The following SHC2 variants were observed in gnomAD, a reference collection of about 807,000 sequenced individuals.
SHC2 encodes SHC-transforming protein 2.
A neutral mutation model predicts 60.6 loss-of-function variants in SHC2; 62 were observed. The observed-to-expected ratio is 1.02, with a 90% confidence interval of 0.83 to 1.26. The LOEUF is 1.26. SHC2 is among the 50% of genes most tolerant of loss of function. The pLI is 0.00. For synonymous variants in SHC2, 375 were observed against 372.4 expected (o/e 1.01, Z -0.08); for missense variants, 873 against 822.2 (o/e 1.06, Z -0.76).
At chr19:458,476 T>TGG (rs1975435276) in intron 1 of SHC2, among the ~76,000 whole-genome samples, 1 of 35,478 alleles carries the variant, frequency 2.8e-5, no homozygotes, top group Non-Finnish European at 5.6e-5. Context: ...GGCAGACGCA[T>TGG]GTTCCGGGGG....
rs375375680 is a variant in SHC2, at chr19:455,236, C to T, written c.468+5293G>A. Among the ~76,000 whole-genome samples the T allele has an allele frequency of 4.1e-4, 62 of 152,336 alleles. No individual in the cohort carries two copies. The South Asian group carries it at 7.3e-3, about 18-fold the overall frequency. ...CTTCTCGCAGGAGACAATCAAGGTCCCTTTGGCGCCCAGCAGCTCCGAGTC... is the reference window on the plus strand; with the variant it reads ...CTTCTCGCAGGAGACAATCAAGGTCTCTTTGGCGCCCAGCAGCTCCGAGTC... On this transcript the variant is annotated intron_variant, in intron 1 of 12. Transcript: ENST00000264554.
In SHC2 at chr19:438,274, C is replaced by T. The variant is rs916331911; in HGVS notation, c.720+444G>A. ...GGTTACAGGCGTGAGCCACTGAGCC[C>T]GGCCTCACAGTGCTGGGGTTACAGG... On this transcript the variant is annotated intron_variant, in intron 4 of 12. Transcript: ENST00000264554. The surrounding 1 kb of genome is among the most constrained non-coding windows in gnomAD (Gnocchi z 5.0). Among the ~76,000 whole-genome samples the T allele has an allele frequency of 5.9e-5, 9 of 152,170 alleles. No individual in the cohort carries two copies. Among genetic ancestry groups the T allele is most frequent in the African/African-American group, 7.2e-5 (3 of 41,430 alleles).
In SHC2 at chr19:425,127, C is replaced by T; in HGVS notation, c.1279G>A (p.Asp427Asn). 2.1e-6 allele frequency: 3 copies of T among 1,404,642 alleles called. No individual in the cohort carries two copies. Among genetic ancestry groups the T allele is most frequent in the African/African-American group, 1.5e-5 (1 of 67,418 alleles). The allele number at this position is 1,404,642 out of a possible 1,614,324, so 87.0% of individuals were successfully genotyped here. ...TCAAACAGATCCTTTTTGGGGCTGTCCTCCGGCTCGGGGGCGTCCAGACCC... is the reference window on the plus strand; with the variant it reads ...TCAAACAGATCCTTTTTGGGGCTGTTCTCCGGCTCGGGGGCGTCCAGACCC... ...TQGLDAPEPE[D>N]SPKKDLFDMR... The change falls in exon 10 of 13, where the codon GAC becomes AAC. Residue 427 changes from aspartate to asparagine, a missense_variant. By Grantham distance (23) the Asp-to-Asn change is conservative (BLOSUM62 1). Transcript: ENST00000264554. This position sits in a 1 kb window ranked among gnomAD's most constrained non-coding sequence, Gnocchi z 4.1.
chr19:460,365 G>A (rs1459077700), intron 1 of SHC2, among the ~76,000 whole-genome samples, 164 bp downstream of exon 1: 1 of 151,940 alleles, frequency 6.6e-6, no homozygotes, highest in African/African-American at 2.4e-5. Flanking sequence ...TCCGGGTGGG[G>A]GCAGCCGCCG....
intron 1 of SHC2, among the ~76,000 whole-genome samples, chr19:459,784 G>T (rs1011503495): frequency 1.6e-4 from 24 of 152,338 alleles, no homozygotes; most frequent in African/African-American, 4.6e-4. Flanking sequence ...TGCGGGAGTG[G>T]CTGATCATTT....
rs61745866 is a variant in SHC2 at position 434,854 on chromosome 19, G to A, written c.965C>T (p.Pro322Leu). Residue 322 changes from proline (P) to leucine (L), a missense_variant, in exon 8 of 13, where the codon CCG (proline) becomes CTG (leucine). Coordinates refer to ENST00000264554, the MANE Select transcript of SHC2 (RefSeq NM_012435.3). ...CTCGTCCCCCCAGGCCGACTCCTCCGGCCCTGCCAGCCTGGGGGACAGACA... is the reference window on the plus strand; with the variant it reads ...CTCGTCCCCCCAGGCCGACTCCTCCAGCCCTGCCAGCCTGGGGGACAGACA... ...VALPPERLAGPEESAWGDEED... is the reference protein window; with the variant it reads ...VALPPERLAGLEESAWGDEED... The A allele has an allele frequency of 9.6e-4, 1,546 of 1,610,544 alleles. 7 individuals carry two copies. The African/African-American group carries it at 0.015, about 16-fold the overall frequency.
intron 1 of SHC2, among the ~76,000 whole-genome samples, chr19:448,289 A>G (rs10426202): frequency 0.51 from 77,877 of 152,184 alleles, 23,414 homozygotes; most frequent in African/African-American, 0.84. Context: ...TCCACGTCCC[A>G]GAGCCGGGAG....
At chr19:426,915 C>G (rs1034917359) in intron 9 of SHC2, among the ~76,000 whole-genome samples, 1 of 151,692 alleles carries the variant, frequency 6.6e-6, no homozygotes, top group African/African-American at 2.4e-5. Flanking sequence ...AATCCCTGGA[C>G]CCTGGACCCG....
intron 9 of SHC2, among the ~76,000 whole-genome samples, chr19:426,004 G>A (rs1974406641): frequency 6.6e-6 from 1 of 150,934 alleles, no homozygotes; most frequent in Non-Finnish European, 1.5e-5. Flanking sequence ...AGTCCAGCCT[G>A]GGCAACAGAA....
chr19:437,251 C>T (rs1327014675), intron 4 of SHC2, among the ~76,000 whole-genome samples: 3 of 151,498 alleles, frequency 2.0e-5, no homozygotes, highest in Admixed American at 6.6e-5. Flanking sequence ...CATCTGCGTG[C>T]TCGTTTGCGT....
At chr19:456,541 T>C (rs1975346344) in intron 1 of SHC2, among the ~76,000 whole-genome samples, 1 of 152,088 alleles carries the variant, frequency 6.6e-6, no homozygotes. Flanking sequence ...CTTTCAAAAC[T>C]GCACACTCTG....
At chr19:455,795 C>A (rs979582088) in intron 1 of SHC2, among the ~76,000 whole-genome samples, 2 of 152,146 alleles carry the variant, frequency 1.3e-5, no homozygotes, top group Non-Finnish European at 2.9e-5. Flanking sequence ...CCCTTCCTCC[C>A]GGTTAGCAGC....
At chr19:447,827 C>T (rs1392047700) in intron 1 of SHC2, among the ~76,000 whole-genome samples, 1 of 152,188 alleles carries the variant, frequency 6.6e-6, no homozygotes, top group Admixed American at 6.5e-5. Context: ...CTTCACACTG[C>T]AACCATAACT....
At chr19:455,786 C>T (rs1430161001) in intron 1 of SHC2, among the ~76,000 whole-genome samples, 2 of 152,130 alleles carry the variant, frequency 1.3e-5, no homozygotes, top group African/African-American at 4.8e-5. Context: ...GCTGGGGGCC[C>T]CTTCCTCCCG....
At chr19:433,667 G>A (rs1490043801) in intron 8 of SHC2, among the ~76,000 whole-genome samples, 2 of 30,814 alleles carry the variant, frequency 6.5e-5, no homozygotes, top group African/African-American at 2.8e-4. Context: ...AGAGGAGGCC[G>A]GGCAGATAGA....
intron 1 of SHC2, among the ~76,000 whole-genome samples, chr19:444,147 GATGA>G (rs1294620974): frequency 1.3e-5 from 2 of 151,772 alleles, no homozygotes; most frequent in South Asian, 2.1e-4. Context: ...TTGGTGGGTG[GATGA>G]ATGGATGGAT....
chr19:446,772 G>A lies in SHC2; in HGVS notation c.469-5840C>T, dbSNP rs1975063638. Among the ~76,000 whole-genome samples, 1 of 152,136 alleles carries A rather than the reference G, an allele frequency of 6.6e-6. No homozygotes were observed. Among genetic ancestry groups the A allele is most frequent in the Non-Finnish European group, 1.5e-5 (1 of 68,032 alleles). ...AGGCATGACCCAGAACCCACCCCAG[G>A]ACGTTAAGGGAAGGAGCCACTGTAC... On this transcript the variant is annotated intron_variant, in intron 1 of 12. Coordinates refer to ENST00000264554, the MANE Select transcript of SHC2 (RefSeq NM_012435.3). This position sits in a 1 kb window ranked among gnomAD's most constrained non-coding sequence, Gnocchi z 5.4.
chr19:450,833 A>G (rs1041534891), intron 1 of SHC2, among the ~76,000 whole-genome samples: 5 of 149,588 alleles, frequency 3.3e-5, no homozygotes, highest in Non-Finnish European at 5.9e-5. Context: ...CAGTGTGTGG[A>G]TGGCCACGCC....
intron 1 of SHC2, among the ~76,000 whole-genome samples, chr19:447,848 C>T (rs569765220): frequency 4.3e-4 from 66 of 152,286 alleles, no homozygotes; most frequent in African/African-American, 7.7e-4. Context: ...CCCTGGTTTT[C>T]CATTAAAATA....
Sources: gnomAD v4.1 joint callset for allele counts (sites outside exome capture counted in the v4.1 genomes callset) on GRCh38, gnomAD v4.1.1 for gene constraint, Gnocchi (gnomAD v3.1) non-coding constraint, MANE v1.5 for transcripts, NCBI Gene and HGNC (gene_info 2026-07-23, HGNC 2026-07-21) for gene names.